The following FBXL3 variants were observed in gnomAD, a reference collection of about 807,000 sequenced individuals.
FBXL3 encodes the protein F-box/LRR-repeat protein 3.
In FBXL3, 14 loss-of-function variants were observed where a neutral mutation model predicts 37.9. The ratio of observed to expected loss-of-function variants is 0.37; its 90% CI spans 0.24 to 0.58. The LOEUF (loss-of-function observed/expected upper bound fraction) is 0.58. FBXL3 is among the 20% of genes least tolerant of loss of function. The probability of loss-of-function intolerance (pLI) is 0.74; values close to 1 mark genes in which losing one functional copy is unlikely to be tolerated. For synonymous variants in FBXL3, 194 were observed against 180.1 expected (o/e 1.08, Z -0.62); for missense variants, 327 against 511.1 (o/e 0.64, Z 3.47).
intron 1 of FBXL3, chr13:77,026,203 G>A (rs1213708852): frequency 4.1e-6 from 4 of 985,238 alleles, no homozygotes; most frequent in Non-Finnish European, 4.8e-6. Context: ...CATTTACTGG[G>A]CTGCTTCCTG....
chr13:77,013,829 A>G (rs2034597017), intron 4 of FBXL3: 1 of 152,174 alleles, frequency 6.6e-6, no homozygotes, highest in Admixed American at 6.5e-5. Flanking sequence ...AGGTGAACCC[A>G]TTGGGCGGAT....
chr13:77,009,236 T>G (rs535636179), intron 4 of FBXL3: 18 of 152,350 alleles, frequency 1.2e-4, no homozygotes, highest in East Asian at 5.8e-4. Flanking sequence ...TCAGAAGAGA[T>G]AAACTGAATT....
intron 4 of FBXL3, chr13:77,012,835 T>C (rs905885987): frequency 1.3e-5 from 2 of 152,338 alleles, no homozygotes; most frequent in African/African-American, 4.8e-5. Flanking sequence ...AGCACAGTGG[T>C]GCGACCTCGG....
At chr13:77,018,296 G>A in intron 3 of FBXL3, 1 of 176,680 alleles carries the variant, frequency 5.7e-6, no homozygotes. Context: ...CCCAAAATGA[G>A]TATCTATGTG....
chr13:77,020,427 G>A (rs995254633), intron 2 of FBXL3, among the ~76,000 whole-genome samples: 2 of 152,080 alleles, frequency 1.3e-5, no homozygotes, highest in African/African-American at 4.8e-5. Flanking sequence ...CTCCTCCTTG[G>A]ACAGACATGG....
intron 4 of FBXL3, among the ~76,000 whole-genome samples, chr13:77,012,611 T>C (rs576548644): frequency 8.5e-5 from 13 of 152,164 alleles, no homozygotes; most frequent in African/African-American, 2.9e-4. Context: ...CTATAGGAAA[T>C]GAAAGAAAAT....
chr13:77,009,924 T>C (rs2034518473), intron 4 of FBXL3: 1 of 152,014 alleles, frequency 6.6e-6, no homozygotes, highest in Non-Finnish European at 1.5e-5. Flanking sequence ...TATGCAGCCA[T>C]AAAAAGGGAT....
Position 77,006,959 on chromosome 13 carries a change from A to C in FBXL3, c.*186T>G, listed in dbSNP as rs1186667619. ...AGATATGACTGCTATTACACTAAGG[A>C]AACAAGTGGAATTTTCTGACCAAAA... On this transcript the variant is annotated 3_prime_UTR_variant, in exon 5 of 5. Coordinates refer to ENST00000355619, the MANE Select transcript of FBXL3 (RefSeq NM_012158.4). 2.1e-6 allele frequency: 3 copies of C among 1,408,028 alleles called. No individual in the cohort carries two copies. The Admixed American group carries it at 9.0e-5, about 42-fold the overall frequency. The allele number at this position is 1,408,028 out of a possible 1,614,324, so 87.2% of individuals were successfully genotyped here.
At position 77,023,123 on chromosome 13, in the gene FBXL3, GATTC is replaced by G. The variant is rs1191292348; in HGVS notation, c.-1-1266_-1-1263del. The stretch of plus-strand genomic sequence containing the variant: ...GGTTACTACCCAGAAGGCAGAGAAT[GATTC>G]ATTCATTCATTCCGTTCACTCATTC... On this transcript the variant is annotated intron_variant, in intron 1 of 4. Coordinates refer to ENST00000355619, the MANE Select transcript of FBXL3 (RefSeq NM_012158.4). Among the ~76,000 whole-genome samples the G allele has an allele frequency of 3.9e-5, 6 of 152,210 alleles. 1 individual carries two copies. The South Asian group carries it at 6.2e-4, about 16-fold the overall frequency.
At chr13:77,019,592 G>A (rs992961098) in intron 2 of FBXL3, among the ~76,000 whole-genome samples, 1 of 152,054 alleles carries the variant, frequency 6.6e-6, no homozygotes, top group Admixed American at 6.6e-5. Context: ...ACTTAAATGG[G>A]AACAAATGTT....
intron 1 of FBXL3, among the ~76,000 whole-genome samples, chr13:77,025,790 T>C (rs2034828042): frequency 6.6e-6 from 1 of 152,144 alleles, no homozygotes; most frequent in South Asian, 2.1e-4. Context: ...TAGGCACTTT[T>C]ACACTGGGCA....
At position 77,014,729 on chromosome 13, in the gene FBXL3, A is replaced by G. The variant is rs1000128363; in HGVS notation, c.643+680T>C. On this transcript the variant is annotated intron_variant, in intron 4 of 4. Transcript: ENST00000355619. ...AGCTAAAGGATCAGCAAACATGTCA[A>G]TAGTGGGAGGAGTCAGAAATTAAAC... 3 of 152,382 alleles carry G rather than the reference A, an allele frequency of 2.0e-5. No homozygotes were observed. In the South Asian group the frequency reaches 6.2e-4, roughly 32 times the overall value. The allele number at this position is 152,382 out of a possible 1,614,324, so 9.4% of individuals were successfully genotyped here.
At chr13:77,010,234 C>A (rs2034524804) in intron 4 of FBXL3, 1 of 152,006 alleles carries the variant, frequency 6.6e-6, no homozygotes, top group South Asian at 2.1e-4. Context: ...CACATGTACT[C>A]CAGAACTTAA....
At chr13:77,009,247 A>T (rs1250226855) in intron 4 of FBXL3, 1 of 152,246 alleles carries the variant, frequency 6.6e-6, no homozygotes, top group Non-Finnish European at 1.5e-5. Context: ...AAACTGAATT[A>T]CCAGAATGAG....
At chr13:77,016,186 AAT>A (rs1593929578) in intron 3 of FBXL3, 1 of 152,198 alleles carries the variant, frequency 6.6e-6, no homozygotes, top group Non-Finnish European at 1.5e-5. Context: ...CAAAAGCACC[AAT>A]GAGTATCATT....
rs868689136 is a variant in FBXL3 at position 77,023,351 on chromosome 13, T to A, written c.-1-1490A>T. ...TTAAAATGGAGAGAGAGAGAGTGTG[T>A]GTGTGTGTGTGTGTGTGTGTGTCAG... is the stretch of plus-strand genomic sequence containing the variant. On this transcript the variant is annotated intron_variant, in intron 1 of 4. Transcript: ENST00000355619. 7.5e-3 allele frequency among the ~76,000 whole-genome samples: 1,121 copies of A among 149,564 alleles called. 11 individuals carry two copies. The highest frequency in any genetic ancestry group is 0.025 in the African/African-American group (1,035 of 41,046).
rs1488228260 is a variant in FBXL3, at chr13:77,005,740, C to T, written c.*1405G>A. 6.6e-6 allele frequency: 1 copy of T among 152,062 alleles called. No individual in the cohort carries two copies. Among genetic ancestry groups the T allele is most frequent in the African/African-American group, 2.4e-5 (1 of 41,422 alleles). The allele number at this position is 152,062 out of a possible 1,614,324, so 9.4% of individuals were successfully genotyped here. A position where few individuals can be genotyped will look rare whatever the true frequency, so the allele number is the denominator to read the frequency against. On this transcript the variant is annotated 3_prime_UTR_variant, in exon 5 of 5. Coordinates refer to ENST00000355619, the MANE Select transcript of FBXL3 (RefSeq NM_012158.4). ...CTGTTAGCTTCCTCAACCACTGAGACACAATCTAAAAGTCACACCACTGAA... is the reference window on the plus strand; with the variant it reads ...CTGTTAGCTTCCTCAACCACTGAGATACAATCTAAAAGTCACACCACTGAA...
At chr13:77,024,195 A>C (rs1021401129) in intron 1 of FBXL3, among the ~76,000 whole-genome samples, 1 of 152,208 alleles carries the variant, frequency 6.6e-6, no homozygotes, top group Non-Finnish European at 1.5e-5. Flanking sequence ...TTCTAATAAT[A>C]ATCCCTCACT....
rs1268428718 is a variant in FBXL3 at position 77,007,016 on chromosome 13, T to C, written c.*129A>G. On this transcript the variant is annotated 3_prime_UTR_variant, in exon 5 of 5. Coordinates refer to ENST00000355619, the MANE Select transcript of FBXL3 (RefSeq NM_012158.4). ...CATGGGTCTTCCGATAAACAATCTT[T>C]ACATATACTGACTGAAGATATCAAA... 2 of 1,439,500 alleles carry C rather than the reference T, an allele frequency of 1.4e-6. No homozygotes were observed. Among genetic ancestry groups the C allele is most frequent in the African/African-American group, 2.9e-5 (2 of 69,720 alleles). The allele number at this position is 1,439,500 out of a possible 1,614,324, so 89.2% of individuals were successfully genotyped here. A position where few individuals can be genotyped will look rare whatever the true frequency, so the allele number is the denominator to read the frequency against.
Sources: gnomAD v4.1 joint callset for allele counts (sites outside exome capture counted in the v4.1 genomes callset) on GRCh38, gnomAD v4.1.1 for gene constraint, MANE v1.5 for transcripts, NCBI Gene and HGNC (gene_info 2026-07-23, HGNC 2026-07-21) for gene names.